RBMS3: variants seen among roughly 807,000 people sequenced by gnomAD.
RBMS3 encodes RNA-binding motif, single-stranded-interacting protein 3.
In RBMS3, 27 loss-of-function variants were observed where a neutral mutation model predicts 66.8. That is an observed-to-expected ratio of 0.40 (90% CI 0.30 to 0.56). The LOEUF is 0.56. RBMS3 is among the 20% of genes least tolerant of loss of function. The pLI, the probability that RBMS3 is intolerant of heterozygous loss-of-function variation, is 0.40. For missense variants in RBMS3, 513 were observed against 549.5 expected, an observed-to-expected ratio of 0.93 and a Z score of 0.66; for synonymous variants, 188 against 183.0, an observed-to-expected ratio of 1.03 and a Z score of -0.22.
intron 2 of RBMS3, among the ~76,000 whole-genome samples, chr3:29,463,295 TA>T (rs2042429272): frequency 6.6e-6 from 1 of 152,096 alleles, no homozygotes; most frequent in Admixed American, 6.6e-5. Flanking sequence ...GATTAGCAAA[TA>T]AAAAAATTGC....
intron 11 of RBMS3, among the ~76,000 whole-genome samples, chr3:29,943,716 T>A (rs1050931567): frequency 6.6e-6 from 1 of 151,776 alleles, no homozygotes; most frequent in Non-Finnish European, 1.5e-5. Context: ...TAGAGCTGAG[T>A]AATAAATAAT....
chr3:29,356,883 C>T (rs991572552), intron 1 of RBMS3, among the ~76,000 whole-genome samples: 1 of 151,964 alleles, frequency 6.6e-6, no homozygotes, highest in African/African-American at 2.4e-5. Context: ...ATAATGCATT[C>T]AGAAATGTTG....
intron 1 of RBMS3, among the ~76,000 whole-genome samples, chr3:29,405,786 G>A (rs952416751): frequency 2.6e-5 from 4 of 152,116 alleles, no homozygotes; most frequent in African/African-American, 4.8e-5. Flanking sequence ...AGTGACCTAG[G>A]GATTGATTTA....
intron 2 of RBMS3, among the ~76,000 whole-genome samples, chr3:29,480,893 G>A (rs1397969851): frequency 6.6e-6 from 1 of 152,182 alleles, no homozygotes; most frequent in Non-Finnish European, 1.5e-5. Flanking sequence ...TCACAGGGAT[G>A]AATACCAATT....
intron 1 of RBMS3, among the ~76,000 whole-genome samples, chr3:29,370,479 C>G (rs1438258477): frequency 6.6e-6 from 1 of 152,124 alleles, no homozygotes; most frequent in South Asian, 2.1e-4. Context: ...TATGCACACC[C>G]TTTAGATTTA....
intron 12 of RBMS3, among the ~76,000 whole-genome samples, chr3:29,987,562 A>G (rs562594921): frequency 1.3e-5 from 2 of 152,330 alleles, no homozygotes; most frequent in African/African-American, 4.8e-5. Flanking sequence ...GAAGGGAACA[A>G]TAGAGACTTC....
chr3:29,846,048 C>A (rs547022313), intron 6 of RBMS3, among the ~76,000 whole-genome samples: 2 of 151,688 alleles, frequency 1.3e-5, no homozygotes, highest in South Asian at 4.2e-4. Flanking sequence ...TAAGTAGTGA[C>A]CTTTTTGTCT....
intron 1 of RBMS3, 110 bp from the exon 2 acceptor site, chr3:29,434,633 G>T: frequency 7.2e-7 from 1 of 1,394,050 alleles, no homozygotes; most frequent in Admixed American, 2.1e-5. Context: ...GTGTATGTAC[G>T]TGTGTGTATT....
rs138865101 is a variant in RBMS3 at position 29,686,399 on chromosome 3, A to G, written c.400-53321A>G. On this transcript the variant is annotated intron_variant, in intron 4 of 14. Coordinates refer to ENST00000383767, the MANE Select transcript of RBMS3 (RefSeq NM_001003793.3). ...ACAGTTCTGATATTTTAAACAAAAA[A>G]TAGGCCGGGCATGGTGGCTCATGCC... 3.1e-3 allele frequency among the ~76,000 whole-genome samples: 475 copies of G among 152,344 alleles called. 1 individual carries two copies. The highest frequency in any genetic ancestry group is 0.011 in the African/African-American group (446 of 41,576).
At chr3:29,452,241 C>T (rs73828662) in intron 2 of RBMS3, among the ~76,000 whole-genome samples, 3,238 of 152,230 alleles carry the variant, frequency 0.021, 118 homozygotes, top group African/African-American at 0.074. Flanking sequence ...TCTGTTGTAC[C>T]TCCTATTTTC....
intron 6 of RBMS3, chr3:29,767,436 A>C (rs2055984175): frequency 1.3e-5 from 2 of 152,006 alleles, no homozygotes; most frequent in South Asian, 4.1e-4. Flanking sequence ...AACTCTAAGA[A>C]GTAAGGAAAA....
At chr3:29,854,788 C>A (rs1487849737) in intron 6 of RBMS3, among the ~76,000 whole-genome samples, 3 of 152,102 alleles carry the variant, frequency 2.0e-5, no homozygotes, top group African/African-American at 4.8e-5. Flanking sequence ...ACAAAGTCAA[C>A]CCTTGTTAAA....
chr3:29,917,108 G>A (rs992199142), intron 10 of RBMS3, among the ~76,000 whole-genome samples: 7 of 151,960 alleles, frequency 4.6e-5, no homozygotes, highest in Non-Finnish European at 7.4e-5. Flanking sequence ...GCCAGGCACT[G>A]CCATTCTATA....
At chr3:29,676,420 A>G (rs2051254062) in intron 4 of RBMS3, among the ~76,000 whole-genome samples, 1 of 152,230 alleles carries the variant, frequency 6.6e-6, no homozygotes, top group Admixed American at 6.5e-5. Context: ...AACTTAAAGT[A>G]TAATAAATAA....
chr3:29,614,701 T>G (rs1232856335), intron 4 of RBMS3: 2 of 152,150 alleles, frequency 1.3e-5, no homozygotes, highest in African/African-American at 2.4e-5. Flanking sequence ...CAGTATAAAT[T>G]CTAGCTTGTT....
intron 12 of RBMS3, among the ~76,000 whole-genome samples, chr3:29,952,245 T>C (rs909264939): frequency 1.3e-5 from 2 of 151,876 alleles, no homozygotes. Context: ...ATTATATCTC[T>C]ATATAGAATT....
chr3:29,282,752 A>G (rs1180050368), intron 1 of RBMS3, among the ~76,000 whole-genome samples: 3 of 152,134 alleles, frequency 2.0e-5, no homozygotes, highest in African/African-American at 7.2e-5. Flanking sequence ...ATATGCCGAG[A>G]GTGAACAAGG....
chr3:29,780,049 C>G (rs768718731), intron 6 of RBMS3, among the ~76,000 whole-genome samples: 4 of 151,632 alleles, frequency 2.6e-5, no homozygotes, highest in Non-Finnish European at 5.9e-5. Flanking sequence ...GGAGAAGCAT[C>G]CATTTTTACT....
intron 6 of RBMS3, among the ~76,000 whole-genome samples, chr3:29,868,223 CA>C: frequency 6.6e-6 from 1 of 151,714 alleles, no homozygotes; most frequent in South Asian, 2.1e-4. Context: ...CTGGGACTCA[CA>C]AGTTATAGCC....
Sources: gnomAD v4.1 joint callset for allele counts (sites outside exome capture counted in the v4.1 genomes callset) on GRCh38, gnomAD v4.1.1 for gene constraint, MANE v1.5 for transcripts, NCBI Gene and HGNC (gene_info 2026-07-23, HGNC 2026-07-21) for gene names.